The following MGAT5 variants were observed in gnomAD, a reference collection of about 807,000 sequenced individuals.
MGAT5 encodes alpha-1,6-mannosylglycoprotein 6-beta-N-acetylglucosaminyltransferase A.
MGAT5 carries 30 observed loss-of-function variants against 94.3 expected under a neutral mutation model. The ratio of observed to expected loss-of-function variants is 0.32; its 90% confidence interval spans 0.24 to 0.43. MGAT5 has a LOEUF of 0.43. Among genes scored for constraint, MGAT5 ranks in the 20% least tolerant of loss-of-function variants. The pLI is 1.00. For missense variants in MGAT5, 691 were observed against 905.5 expected (o/e 0.76, Z 3.04); for synonymous variants, 310 against 322.9 (o/e 0.96, Z 0.43).
intron 1 of MGAT5, among the ~76,000 whole-genome samples, chr2:134,240,213 G>C (rs1239797000): frequency 1.3e-5 from 2 of 152,146 alleles, no homozygotes; most frequent in Admixed American, 1.3e-4. Flanking sequence ...ATTCTTTGAA[G>C]ATCTCTTGTA....
At chr2:134,360,574 AG>A (rs3838501) in intron 9 of MGAT5, among the ~76,000 whole-genome samples, 89,133 of 151,996 alleles carry the variant, frequency 0.59, 29,811 homozygotes, top group Non-Finnish European at 0.75. Flanking sequence ...CTGATCCTGA[AG>A]TATAGTGTCA....
chr2:134,173,290 C>A (rs1484867043), intron 1 of MGAT5, among the ~76,000 whole-genome samples: 1 of 152,104 alleles, frequency 6.6e-6, no homozygotes, highest in African/African-American at 2.4e-5. Context: ...GGTCTGTTTC[C>A]CCTGAAACTG....
chr2:134,175,408 T>C (rs1688413975), intron 1 of MGAT5, among the ~76,000 whole-genome samples: 1 of 152,178 alleles, frequency 6.6e-6, no homozygotes, highest in South Asian at 2.1e-4. Context: ...TTCTGAAATG[T>C]GTGGTTGGCC....
chr2:134,206,841 A>G (rs779471551), intron 1 of MGAT5, among the ~76,000 whole-genome samples: 1 of 152,320 alleles, frequency 6.6e-6, no homozygotes, highest in Non-Finnish European at 1.5e-5. Context: ...GACTGTCCCT[A>G]GAGCCTCTGG....
chr2:134,340,350 C>T (rs556126927), intron 6 of MGAT5, among the ~76,000 whole-genome samples: 1 of 152,046 alleles, frequency 6.6e-6, no homozygotes, highest in Non-Finnish European at 1.5e-5. Flanking sequence ...ATCTGTCTAC[C>T]CATGTGCAGA....
At chr2:134,347,402 A>G (rs1329255996) in intron 8 of MGAT5, among the ~76,000 whole-genome samples, 1 of 152,180 alleles carries the variant, frequency 6.6e-6, no homozygotes, top group Non-Finnish European at 1.5e-5. Context: ...CCGGGCTTTC[A>G]GGAGTTAGGC....
chr2:134,302,716 CTGTGTG>C (rs3034344), intron 2 of MGAT5, among the ~76,000 whole-genome samples: 35,086 of 133,232 alleles, frequency 0.26, 4,733 homozygotes, highest in South Asian at 0.37. Context: ...TTAAGAAATG[CTGTGTG>C]TGTGTGTGTG....
In MGAT5 at chr2:134,270,565, T is replaced by G. The variant is rs1441431468; in HGVS notation, c.406+15T>G. 2 of 1,613,658 alleles carry G rather than the reference T, an allele frequency of 1.2e-6. No homozygotes were observed. Among genetic ancestry groups the G allele is most frequent in the Non-Finnish European group, 1.7e-6 (2 of 1,179,786 alleles). On this transcript the variant is annotated intron_variant, in intron 2 of 15. Coordinates refer to ENST00000281923, the MANE Select transcript of MGAT5 (RefSeq NM_002410.5). ...TAATGTGGCAGGTAAAAATAGCAAT[T>G]CTCTGCCCTGATATGGAGTCACACC...
chr2:134,440,000 C>T (rs973591395), intron 14 of MGAT5, among the ~76,000 whole-genome samples: 3 of 152,220 alleles, frequency 2.0e-5, no homozygotes, highest in Admixed American at 6.5e-5. Flanking sequence ...AAGTAGGCTA[C>T]TCTAGAAGGA....
intron 1 of MGAT5, among the ~76,000 whole-genome samples, chr2:134,142,695 G>T (rs1686714299): frequency 6.6e-6 from 1 of 152,238 alleles, no homozygotes; most frequent in Non-Finnish European, 1.5e-5. Flanking sequence ...AGCTGAGAAG[G>T]GAAGGAAGGT....
intron 1 of MGAT5, among the ~76,000 whole-genome samples, chr2:134,163,512 G>A (rs1687828804): frequency 6.6e-6 from 1 of 152,200 alleles, no homozygotes; most frequent in Non-Finnish European, 1.5e-5. Context: ...AATTCGACTG[G>A]CTGTGGTTCT....
intron 1 of MGAT5, among the ~76,000 whole-genome samples, chr2:134,145,874 A>G (rs1319385765): frequency 6.6e-6 from 1 of 152,088 alleles, no homozygotes; most frequent in African/African-American, 2.4e-5. Context: ...CCTTCCCCCA[A>G]CCCCCAATCT....
intron 1 of MGAT5, among the ~76,000 whole-genome samples, chr2:134,132,532 T>C (rs2104919007): frequency 6.6e-6 from 1 of 152,398 alleles, no homozygotes; most frequent in African/African-American, 2.4e-5. Context: ...GCTGCCTATT[T>C]TGTAAATAAA....
chr2:134,382,880 T>G (rs1360058511), intron 10 of MGAT5, among the ~76,000 whole-genome samples: 1 of 152,234 alleles, frequency 6.6e-6, no homozygotes, highest in African/African-American at 2.4e-5. Flanking sequence ...CCAAACCTGT[T>G]TATGCCACAT....
chr2:134,311,320 A>G (rs914718319), intron 2 of MGAT5, among the ~76,000 whole-genome samples: 2 of 152,144 alleles, frequency 1.3e-5, no homozygotes, highest in Non-Finnish European at 2.9e-5. Flanking sequence ...CCCTTAATCT[A>G]TCAGATGCCT....
chr2:134,344,902 T>C (rs1688832329), intron 7 of MGAT5, 28 bp from the exon 8 acceptor site: 2 of 1,604,100 alleles, frequency 1.2e-6, no homozygotes, highest in African/African-American at 1.3e-5. Flanking sequence ...TTCTCTTTTT[T>C]CTCCCCTCTC....
intron 10 of MGAT5, among the ~76,000 whole-genome samples, chr2:134,385,121 A>T (rs1681889835): frequency 6.6e-6 from 1 of 152,192 alleles, no homozygotes; most frequent in African/African-American, 2.4e-5. Context: ...GCTGTTATTG[A>T]TTCTACAAAA....
chr2:134,155,099 G>T (rs1188788246), intron 1 of MGAT5, among the ~76,000 whole-genome samples: 1 of 152,196 alleles, frequency 6.6e-6, no homozygotes, highest in Non-Finnish European at 1.5e-5. Flanking sequence ...GGGTGGGTTA[G>T]GACGCGCAAA....
intron 11 of MGAT5, among the ~76,000 whole-genome samples, chr2:134,407,600 A>G (rs1054057683): frequency 2.6e-5 from 4 of 152,228 alleles, no homozygotes; most frequent in African/African-American, 9.6e-5. Context: ...GCAAGTAAGT[A>G]TAATATTAAG....
Sources: allele counts gnomAD v4.1 joint callset (sites outside exome capture counted in the v4.1 genomes callset), GRCh38; gene constraint gnomAD v4.1.1; transcripts MANE v1.5; gene names NCBI Gene and HGNC (gene_info 2026-07-23, HGNC 2026-07-21).